IRAG1: variants seen among roughly 807,000 people sequenced by gnomAD.
The protein encoded by IRAG1 is IP3R-associated cGMP kinase substrate.
A neutral mutation model predicts 106.2 loss-of-function variants in IRAG1; 62 were observed. That is an observed-to-expected ratio of 0.58 (90% CI 0.48 to 0.72). The LOEUF is 0.72. IRAG1 is among the 30% of genes least tolerant of loss of function. The pLI is 0.00. For missense variants in IRAG1, 1,064 were observed against 1,140.7 expected (o/e 0.93, Z 0.97); for synonymous variants, 462 against 443.9 (o/e 1.04, Z -0.51).
chr11:10,579,632 T>C (rs990705479), intron 20 of IRAG1, among the ~76,000 whole-genome samples: 2 of 152,008 alleles, frequency 1.3e-5, no homozygotes, highest in East Asian at 1.9e-4. Flanking sequence ...ACCTCATCTA[T>C]GGGTGCTAGT....
At chr11:10,583,024 T>A (rs1851555349) in intron 18 of IRAG1, among the ~76,000 whole-genome samples, 1 of 152,230 alleles carries the variant, frequency 6.6e-6, no homozygotes, top group Non-Finnish European at 1.5e-5. Flanking sequence ...CAAAAGGTGC[T>A]GAGTTGTTTG....
At chr11:10,669,699 GC>G in intron 1 of IRAG1, among the ~76,000 whole-genome samples, 1 of 152,308 alleles carries the variant, frequency 6.6e-6, no homozygotes, top group East Asian at 1.9e-4. Flanking sequence ...TTTGGGAGCA[GC>G]AGTCCACCCT....
chr11:10,685,318 C>T (rs1861583612), intron 1 of IRAG1, among the ~76,000 whole-genome samples: 1 of 150,858 alleles, frequency 6.6e-6, no homozygotes, highest in Non-Finnish European at 1.5e-5. Flanking sequence ...CATGGTGGCG[C>T]ATGCCTGTAA....
rs535383831 is a variant in IRAG1 at position 10,635,902 on chromosome 11, C to T, written c.226-1831G>A. On this transcript the variant is annotated intron_variant, in intron 2 of 20. Transcript: ENST00000423302. Reference sequence around the variant, plus strand: ...GTTCATTGGGCTCTGTGTTCTTATCCGGGAGCGATTCAGTGCAGAAAGCTA... The same window carrying T: ...GTTCATTGGGCTCTGTGTTCTTATCTGGGAGCGATTCAGTGCAGAAAGCTA... 2.3e-3 allele frequency among the ~76,000 whole-genome samples: 350 copies of T among 152,160 alleles called. 2 individuals are homozygous for T. Among genetic ancestry groups the T allele is most frequent in the African/African-American group, 8.0e-3 (333 of 41,464 alleles).
Position 10,628,828 on chromosome 11 carries a change from G to A in IRAG1, c.575C>T (p.Ala192Val). The stretch of plus-strand genomic sequence containing the variant: ...GCTGGGGCTGAGGTTCGGGGAAACA[G>A]CTGTGAAGACAGACACAAATTGGCT... ...SRSSPGDSPS[A>V]VSPNLSPSAS... Residue 192 changes from alanine to valine, a missense_variant and splice_region_variant, in exon 6 of 21, where the codon GCT becomes GTT. Ala to Val is a moderately conservative substitution (Grantham distance 64). Transcript: ENST00000423302. The surrounding 1 kb of genome is among the most constrained non-coding windows in gnomAD (Gnocchi z 4.1). 1 of 1,578,252 alleles carries A rather than the reference G, an allele frequency of 6.3e-7. No homozygotes were observed. The highest frequency in any genetic ancestry group is 1.4e-5 in the African/African-American group (1 of 73,706).
At chr11:10,640,216 A>C (rs1466180163) in intron 2 of IRAG1, among the ~76,000 whole-genome samples, 1 of 152,198 alleles carries the variant, frequency 6.6e-6, no homozygotes. Flanking sequence ...GACTGTAGGC[A>C]TCTCACTGGG....
chr11:10,669,633 C>T (rs1206764413), intron 1 of IRAG1, among the ~76,000 whole-genome samples: 2 of 152,230 alleles, frequency 1.3e-5, no homozygotes, highest in East Asian at 3.8e-4. Flanking sequence ...AGCTCTCCCC[C>T]GAGGCCAGAT....
At chr11:10,675,496 C>T (rs1244382814) in intron 1 of IRAG1, among the ~76,000 whole-genome samples, 1 of 152,204 alleles carries the variant, frequency 6.6e-6, no homozygotes, top group African/African-American at 2.4e-5. Flanking sequence ...CTCTCTATCA[C>T]TGAGTTGGGA....
intron 10 of IRAG1, among the ~76,000 whole-genome samples, 164 bp downstream of exon 10, chr11:10,623,614 T>C (rs1856002359): frequency 6.6e-6 from 1 of 152,084 alleles, no homozygotes; most frequent in Admixed American, 6.6e-5. Context: ...GAGGCAGGTT[T>C]GGAGGTGCTG....
chr11:10,615,572 C>T (rs922623516), intron 10 of IRAG1, among the ~76,000 whole-genome samples: 2 of 152,258 alleles, frequency 1.3e-5, no homozygotes, highest in Non-Finnish European at 2.9e-5. Flanking sequence ...GAAAATGTGG[C>T]ACATATACAC....
chr11:10,603,079 G>A, intron 14 of IRAG1, 41 bp downstream of exon 14: 2 of 1,589,736 alleles, frequency 1.3e-6, no homozygotes, highest in Non-Finnish European at 1.7e-6. Flanking sequence ...CTTTACGTAG[G>A]TGGAACAGAG....
intron 10 of IRAG1, among the ~76,000 whole-genome samples, chr11:10,615,300 A>G (rs368029527): frequency 6.6e-6 from 1 of 152,140 alleles, no homozygotes; most frequent in African/African-American, 2.4e-5. Flanking sequence ...TGGAGAGGAT[A>G]TGGAGAAATA....
intron 10 of IRAG1, chr11:10,617,056 GA>G: frequency 1.0e-6 from 1 of 985,218 alleles, no homozygotes; most frequent in Non-Finnish European, 1.2e-6. Flanking sequence ...TCTTCTCAGG[GA>G]GGCCTCTTTC....
intron 19 of IRAG1, among the ~76,000 whole-genome samples, chr11:10,581,556 C>T (rs1851396498): frequency 6.6e-6 from 1 of 152,032 alleles, no homozygotes; most frequent in Non-Finnish European, 1.5e-5. Flanking sequence ...GTCAGGAAGC[C>T]TCAGGCACCA....
At chr11:10,585,490 C>A (rs1026468170) in intron 18 of IRAG1, among the ~76,000 whole-genome samples, 1 of 151,484 alleles carries the variant, frequency 6.6e-6, no homozygotes, top group African/African-American at 2.4e-5. Flanking sequence ...GCATGAGAAT[C>A]GCATTTCAAG....
chr11:10,618,589 C>T (rs769522386), intron 10 of IRAG1, among the ~76,000 whole-genome samples: 1 of 152,050 alleles, frequency 6.6e-6, no homozygotes, highest in African/African-American at 2.4e-5. Flanking sequence ...AGAAGGGATC[C>T]GAAGGTACCA....
rs1429484675 is a variant in IRAG1, at chr11:10,665,155, A to G, written c.68-12973T>C. Among the ~76,000 whole-genome samples, 3 of 152,098 alleles carry G rather than the reference A, an allele frequency of 2.0e-5. No individual in the cohort carries two copies. Among genetic ancestry groups the G allele is most frequent in the South Asian group, 2.1e-4 (1 of 4,822 alleles). On this transcript the variant is annotated intron_variant, in intron 1 of 20. Coordinates refer to ENST00000423302, the MANE Select transcript of IRAG1 (RefSeq NM_130385.4). This position sits in a 1 kb window ranked among gnomAD's most constrained non-coding sequence, Gnocchi z 4.2. ...AACCCTAACCCTAACCCTAACCCTGAGAGTTTAAGCTGGGAACTCAGATCT... is the reference window on the plus strand; with the variant it reads ...AACCCTAACCCTAACCCTAACCCTGGGAGTTTAAGCTGGGAACTCAGATCT...
At chr11:10,660,985 C>T (rs1212246801) in intron 1 of IRAG1, among the ~76,000 whole-genome samples, 3 of 152,202 alleles carry the variant, frequency 2.0e-5, no homozygotes, top group African/African-American at 7.2e-5. Context: ...TGGCCTGGTC[C>T]CTTCCAATGA....
At chr11:10,668,151 A>C (rs933259679) in intron 1 of IRAG1, among the ~76,000 whole-genome samples, 11 of 152,164 alleles carry the variant, frequency 7.2e-5, no homozygotes, top group African/African-American at 2.7e-4. Flanking sequence ...GAGCCACCAC[A>C]TGATTCTCAC....
Sources: allele counts gnomAD v4.1 joint callset (sites outside exome capture counted in the v4.1 genomes callset), GRCh38; gene constraint gnomAD v4.1.1; non-coding constraint Gnocchi (gnomAD v3.1); transcripts MANE v1.5; gene names NCBI Gene and HGNC (gene_info 2026-07-23, HGNC 2026-07-21).